Variants in SLC36A1 observed in about 807,000 individuals in gnomAD.
SLC36A1 encodes the protein solute carrier family 36 member 1.
SLC36A1 carries 30 observed loss-of-function variants against 47.5 expected under a neutral mutation model. The ratio of observed to expected loss-of-function variants is 0.63; its 90% CI spans 0.47 to 0.86. The LOEUF (loss-of-function observed/expected upper bound fraction) is 0.86. SLC36A1 is among the 40% of genes least tolerant of loss of function. SLC36A1 has a pLI of 0.00. For missense variants in SLC36A1, 517 were observed against 606.0 expected (o/e 0.85, Z 1.54); for synonymous variants, 255 against 249.7 (o/e 1.02, Z -0.20).
the SLC36A1 span, among the ~76,000 whole-genome samples, chr5:151,530,035 T>C: frequency 6.6e-6 from 1 of 152,058 alleles, no homozygotes; most frequent in African/African-American, 2.4e-5. Flanking sequence ...AGTCAGAAAA[T>C]AATGAGGAGT....
the SLC36A1 span, among the ~76,000 whole-genome samples, chr5:151,518,348 CTAATAATAATAA>C: frequency 2.0e-5 from 2 of 101,440 alleles, no homozygotes; most frequent in Non-Finnish European, 4.6e-5. Context: ...GACCATGTCT[CTAATAATAATAA>C]TAATAATAAT....
chr5:151,544,666 T>G, the SLC36A1 span: 2 of 1,614,062 alleles, frequency 1.2e-6, no homozygotes, highest in African/African-American at 2.7e-5. Context: ...TTCCTCACTC[T>G]GGAGGGATGG....
chr5:151,510,183 A>G, the SLC36A1 span: 10 of 1,613,742 alleles, frequency 6.2e-6, no homozygotes, highest in African/African-American at 2.7e-5. Flanking sequence ...GCCTAGGAGA[A>G]AAAGAAGGGA....
At chr5:151,530,387 C>A in the SLC36A1 span, among the ~76,000 whole-genome samples, 1 of 152,090 alleles carries the variant, frequency 6.6e-6, no homozygotes, top group African/African-American at 2.4e-5. Context: ...AAATGTCATT[C>A]CTAGGAAATA....
chr5:151,372,400 TGTGA>T, the SLC36A1 span, among the ~76,000 whole-genome samples: 1 of 151,934 alleles, frequency 6.6e-6, no homozygotes. Flanking sequence ...GAAATGGAAA[TGTGA>T]GTAATAAAAA....
In SLC36A1 at chr5:151,465,144, C is replaced by T. The variant is rs568011225; in HGVS notation, c.394C>T (p.Leu132Phe). ...ACTAGAATCCAGCCCCTGCTCCTGG[C>T]TCCGGAACCACGCACACTGGGGAAG... is the stretch of plus-strand genomic sequence containing the variant. ...YGLESSPCSW[L>F]RNHAHWGRRV... The change falls in exon 5 of 11, where the codon CTC becomes TTC. Residue 132 changes from leucine (L) to phenylalanine (F), a missense_variant. Leu to Phe is a conservative substitution (Grantham distance 22). Transcript: ENST00000243389. 2.5e-6 allele frequency: 4 copies of T among 1,614,002 alleles called. No individual in the cohort carries two copies. Among genetic ancestry groups the T allele is most frequent in the Non-Finnish European group, 3.4e-6 (4 of 1,179,964 alleles).
chr5:151,382,452 A>C, the SLC36A1 span: 1 of 570,682 alleles, frequency 1.8e-6, no homozygotes, highest in Non-Finnish European at 3.1e-6. Context: ...CTTCTAGCAT[A>C]GAAGCAAGGA....
At chr5:151,368,047 A>G in the SLC36A1 span, among the ~76,000 whole-genome samples, 2 of 152,362 alleles carry the variant, frequency 1.3e-5, no homozygotes, top group South Asian at 2.1e-4. Flanking sequence ...AGGCCAAATT[A>G]TACAACCACC....
the SLC36A1 span, chr5:151,549,299 C>T: frequency 6.2e-7 from 1 of 1,612,666 alleles, no homozygotes; most frequent in African/African-American, 1.3e-5. Context: ...TCTCACCTTT[C>T]AGGAGGGAGT....
chr5:151,494,882 T>G (rs567809630), downstream of SLC36A1, among the ~76,000 whole-genome samples: 43 of 152,244 alleles, frequency 2.8e-4, no homozygotes, highest in African/African-American at 9.6e-4. Context: ...CCAGTGGCCA[T>G]TCGCAAGTTT....
At chr5:151,522,239 C>T in the SLC36A1 span, 38 of 597,168 alleles carry the variant, frequency 6.4e-5, no homozygotes, top group Non-Finnish European at 1.0e-4. Context: ...AAAAAAAAAC[C>T]TAACTCCAAA....
chr5:151,537,651 A>G, the SLC36A1 span: 3 of 756,658 alleles, frequency 4.0e-6, no homozygotes, highest in Non-Finnish European at 4.2e-6. Flanking sequence ...CCCCAGTACA[A>G]TGCTTGGCAC....
At chr5:151,493,351 C>T (rs1003863028), downstream of SLC36A1, among the ~76,000 whole-genome samples, 4 of 152,124 alleles carry the variant, frequency 2.6e-5, no homozygotes, top group Admixed American at 6.5e-5. Flanking sequence ...GCATCAGATC[C>T]CACAGGACGA....
the SLC36A1 span, among the ~76,000 whole-genome samples, chr5:151,518,599 G>A: frequency 2.0e-5 from 3 of 152,114 alleles, no homozygotes; most frequent in Admixed American, 6.6e-5. Flanking sequence ...AATAAAATGC[G>A]GCTGAGAGGT....
chr5:151,467,044 C>A (rs1257235653), intron 5 of SLC36A1, among the ~76,000 whole-genome samples, 155 bp from the exon 6 acceptor site: 5 of 152,160 alleles, frequency 3.3e-5, no homozygotes, highest in Non-Finnish European at 7.4e-5. Flanking sequence ...ACACTAAACG[C>A]CCAGGCACTA....
upstream of SLC36A1, among the ~76,000 whole-genome samples, chr5:151,436,253 A>T (rs532458079): frequency 2.6e-5 from 4 of 152,136 alleles, no homozygotes; most frequent in Admixed American, 2.6e-4. Context: ...CACCTCCCTC[A>T]CATACCCAAT....
At chr5:151,527,340 C>T in the SLC36A1 span, 1 of 1,612,752 alleles carries the variant, frequency 6.2e-7, no homozygotes, top group South Asian at 1.1e-5. Context: ...AGGCTGCCCA[C>T]TGTCTGTGGC....
intron 8 of SLC36A1, among the ~76,000 whole-genome samples, chr5:151,475,115 G>A (rs1229752983): frequency 6.6e-6 from 1 of 152,202 alleles, no homozygotes; most frequent in Non-Finnish European, 1.5e-5. Flanking sequence ...GTGTCTCACT[G>A]TAATTCAGAA....
the SLC36A1 span, chr5:151,521,286 G>A: frequency 1.2e-6 from 2 of 1,607,388 alleles, no homozygotes; most frequent in Non-Finnish European, 1.7e-6. Flanking sequence ...CATTGCAGGA[G>A]CAGCTCCTCT....
Sources: gnomAD v4.1 joint callset for allele counts (sites outside exome capture counted in the v4.1 genomes callset) on GRCh38, gnomAD v4.1.1 for gene constraint, MANE v1.5 for transcripts, NCBI Gene and HGNC (gene_info 2026-07-23, HGNC 2026-07-21) for gene names.